Variants in NLGN1 observed in about 807,000 individuals in gnomAD.
NLGN1 encodes neuroligin-1.
A neutral mutation model predicts 65.5 loss-of-function variants in NLGN1; 12 were observed. The ratio of observed to expected loss-of-function variants is 0.18; its 90% CI spans 0.12 to 0.30. NLGN1 has a LOEUF of 0.30. Among genes scored for constraint, NLGN1 ranks in the 10% least tolerant of loss-of-function variants. The probability of loss-of-function intolerance (pLI) is 1.00; values close to 1 mark genes in which losing one functional copy is unlikely to be tolerated. For missense variants in NLGN1, 750 were observed against 1,007.1 expected (o/e 0.74, Z 3.46); for synonymous variants, 350 against 359.5 (o/e 0.97, Z 0.30).
intron 3 of NLGN1, among the ~76,000 whole-genome samples, chr3:173,733,989 GAT>G (rs1279862771): frequency 6.6e-5 from 10 of 151,984 alleles, no homozygotes; most frequent in Non-Finnish European, 7.4e-5. Flanking sequence ...AATGACAAAA[GAT>G]ATAATATTAC....
At chr3:173,503,450 T>C (rs1166308796) in intron 2 of NLGN1, among the ~76,000 whole-genome samples, 3 of 152,096 alleles carry the variant, frequency 2.0e-5, no homozygotes, top group African/African-American at 7.2e-5. Flanking sequence ...CATGAGATAA[T>C]GTGCAAACGC....
At chr3:173,537,504 GTGTT>G (rs1242509627) in intron 2 of NLGN1, among the ~76,000 whole-genome samples, 254 of 151,910 alleles carry the variant, frequency 1.7e-3, no homozygotes, top group African/African-American at 6.0e-3. Context: ...GTGTGTGTGT[GTGTT>G]TGTGTGTGTG....
At chr3:173,861,552 GTGTGTA>G (rs781087892) in intron 4 of NLGN1, among the ~76,000 whole-genome samples, 254 of 125,012 alleles carry the variant, frequency 2.0e-3, no homozygotes, top group African/African-American at 6.4e-3. Context: ...GTGTGTGTGT[GTGTGTA>G]TATACACACA....
At chr3:174,019,795 A>G (rs571992220) in intron 4 of NLGN1, among the ~76,000 whole-genome samples, 5 of 152,274 alleles carry the variant, frequency 3.3e-5, no homozygotes, top group African/African-American at 1.2e-4. Context: ...TTTGGTTTGC[A>G]TAGTTACGCA....
intron 2 of NLGN1, among the ~76,000 whole-genome samples, chr3:173,593,852 G>C (rs1211550718): frequency 6.6e-6 from 1 of 152,202 alleles, no homozygotes; most frequent in Admixed American, 6.5e-5. Context: ...CTTCTTACAT[G>C]TTGGCGGCAA....
chr3:173,731,572 T>C (rs1684557193), intron 3 of NLGN1, among the ~76,000 whole-genome samples: 1 of 152,118 alleles, frequency 6.6e-6, no homozygotes, highest in African/African-American at 2.4e-5. Context: ...AGGCTCTCAG[T>C]AAAGGTTAGT....
chr3:174,105,502 C>T (rs1713522168), intron 4 of NLGN1, among the ~76,000 whole-genome samples: 1 of 152,012 alleles, frequency 6.6e-6, no homozygotes, highest in Non-Finnish European at 1.5e-5. Flanking sequence ...CATGATAAGG[C>T]CACTGCACTC....
intron 4 of NLGN1, among the ~76,000 whole-genome samples, chr3:174,095,531 A>ATC (rs2152568296): frequency 7.5e-6 from 1 of 133,548 alleles, no homozygotes; most frequent in South Asian, 2.2e-4. Flanking sequence ...TCCATTATAT[A>ATC]TCTATATATA....
At chr3:174,178,394 G>C (rs1729822117) in intron 4 of NLGN1, among the ~76,000 whole-genome samples, 1 of 152,134 alleles carries the variant, frequency 6.6e-6, no homozygotes, top group African/African-American at 2.4e-5. Flanking sequence ...TGGAACAGAT[G>C]AAAGTGCCCT....
rs577814839 is a variant in NLGN1 at position 174,122,378 on chromosome 3, T to C, written c.647-152937T>C. On this transcript the variant is annotated intron_variant, in intron 4 of 6. Coordinates refer to ENST00000457714, the Ensembl canonical transcript of NLGN1. ...AAGGAAAGGCTTAATAACCATAAAA[T>C]AAAAATGGCAGGGTCATACAAAGGA... 3.7e-4 allele frequency among the ~76,000 whole-genome samples: 57 copies of C among 152,256 alleles called. 2 individuals carry two copies. In the South Asian group the frequency reaches 0.011, roughly 30 times the overall value.
chr3:173,428,423 A>T (rs889247811), intron 1 of NLGN1, among the ~76,000 whole-genome samples: 8 of 150,360 alleles, frequency 5.3e-5, no homozygotes, highest in Admixed American at 1.3e-4. Flanking sequence ...TTAATTTCTT[A>T]CTTTTTATTT....
At position 174,280,580 on chromosome 3, in the gene NLGN1, A is replaced by T. The variant is rs1199973553; in HGVS notation, c.1749A>T (p.Gln583His). ...GGACCAGATATTCCCAGAAAGACCA[A>T]CTTTATCTCCATATTGGATTAAAAC... The change falls in exon 7 of 7, where the codon CAA becomes CAT. Residue 583 changes from glutamine (Q) to histidine (H), a missense_variant. Transcript: ENST00000457714. The surrounding 1 kb of genome is among the most constrained non-coding windows in gnomAD (Gnocchi z 4.9). 6.2e-7 allele frequency: 1 copy of T among 1,613,134 alleles called. No homozygotes were observed. The highest frequency in any genetic ancestry group is 2.2e-5 in the East Asian group (1 of 44,834).
At chr3:173,999,875 A>C (rs1402265483) in intron 4 of NLGN1, among the ~76,000 whole-genome samples, 1 of 152,200 alleles carries the variant, frequency 6.6e-6, no homozygotes, top group Non-Finnish European at 1.5e-5. Context: ...AAAGTACAAC[A>C]GCATTTTCAA....
At chr3:173,790,033 C>T (rs1712328496) in intron 3 of NLGN1, among the ~76,000 whole-genome samples, 1 of 152,122 alleles carries the variant, frequency 6.6e-6, no homozygotes, top group Admixed American at 6.6e-5. Flanking sequence ...GCACATCTTG[C>T]TCTCTACCTT....
At chr3:173,983,850 CTG>C (rs1471293713) in intron 4 of NLGN1, among the ~76,000 whole-genome samples, 3 of 152,134 alleles carry the variant, frequency 2.0e-5, no homozygotes, top group African/African-American at 7.2e-5. Context: ...TGTTTAGTGT[CTG>C]TCACTTTTTA....
At chr3:173,545,136 G>A (rs1414079200) in intron 2 of NLGN1, among the ~76,000 whole-genome samples, 1 of 151,930 alleles carries the variant, frequency 6.6e-6, no homozygotes, top group Non-Finnish European at 1.5e-5. Flanking sequence ...GTGTAAAGTC[G>A]CAATTTCGGC....
intron 3 of NLGN1, among the ~76,000 whole-genome samples, chr3:173,616,451 G>A (rs893217082): frequency 2.0e-5 from 3 of 152,060 alleles, no homozygotes; most frequent in Non-Finnish European, 4.4e-5. Flanking sequence ...TAACCCATGG[G>A]AACTTAAATA....
rs376216381 is a variant in NLGN1 at position 173,424,212 on chromosome 3, G to T, written c.-389-10798G>T. 2.8e-4 allele frequency among the ~76,000 whole-genome samples: 42 copies of T among 152,186 alleles called. 1 individual carries two copies. Among genetic ancestry groups the T allele is most frequent in the Admixed American group, 2.6e-4 (4 of 15,288 alleles). On this transcript the variant is annotated intron_variant, in intron 1 of 6. Transcript: ENST00000457714. The stretch of plus-strand genomic sequence containing the variant: ...CACGGATCCACTGGGCCCTGGGCCC[G>T]GCCTGTGAAGCCATTTTTCCCTCCT...
intron 1 of NLGN1, among the ~76,000 whole-genome samples, chr3:173,424,143 G>A (rs970732213): frequency 6.6e-6 from 1 of 152,168 alleles, no homozygotes; most frequent in Non-Finnish European, 1.5e-5. Flanking sequence ...AGCCACAGCT[G>A]GAGCTGGAGC....
Sources: gnomAD v4.1 joint callset for allele counts (sites outside exome capture counted in the v4.1 genomes callset) on GRCh38, gnomAD v4.1.1 for gene constraint, Gnocchi (gnomAD v3.1) non-coding constraint, MANE v1.5 for transcripts, NCBI Gene and HGNC (gene_info 2026-07-23, HGNC 2026-07-21) for gene names.